GTF2F2: variants seen among roughly 807,000 people sequenced by gnomAD.
GTF2F2 encodes general transcription factor IIF subunit 2, also known as ATP-dependent helicase GTF2F2.
A neutral mutation model predicts 42.2 loss-of-function variants in GTF2F2; 23 were observed. The ratio of observed to expected loss-of-function variants is 0.55; its 90% CI spans 0.39 to 0.77. The LOEUF (loss-of-function observed/expected upper bound fraction) is 0.77. GTF2F2 is among the 30% of genes least tolerant of loss of function. The pLI, the probability that GTF2F2 is intolerant of heterozygous loss-of-function variation, is 0.00. For synonymous variants in GTF2F2, 105 were observed against 100.8 expected (o/e 1.04, Z -0.25); for missense variants, 261 against 287.2 (o/e 0.91, Z 0.66).
At chr13:45,180,618 A>G (rs1198568524) in intron 4 of GTF2F2, among the ~76,000 whole-genome samples, 3 of 152,174 alleles carry the variant, frequency 2.0e-5, no homozygotes, top group Non-Finnish European at 4.4e-5. Context: ...TTGTAGCCAA[A>G]TGAATTGTAC....
At chr13:45,159,617 C>T (rs1191718760) in intron 4 of GTF2F2, among the ~76,000 whole-genome samples, 1 of 152,140 alleles carries the variant, frequency 6.6e-6, no homozygotes, top group Non-Finnish European at 1.5e-5. Context: ...AGACTACAGA[C>T]GTGCGCCACC....
intron 1 of GTF2F2, among the ~76,000 whole-genome samples, chr13:45,134,652 G>A (rs1485445776): frequency 6.6e-6 from 1 of 152,168 alleles, no homozygotes; most frequent in South Asian, 2.1e-4. Context: ...GTAGAGTGTA[G>A]TGGAAGTTTT....
intron 3 of GTF2F2, among the ~76,000 whole-genome samples, chr13:45,150,940 A>G (rs1187302785): frequency 1.3e-5 from 2 of 151,994 alleles, no homozygotes; most frequent in Non-Finnish European, 2.9e-5. Flanking sequence ...GATTAGCCCC[A>G]TTATTCTTTT....
chr13:45,280,454 T>A (rs746049831), intron 7 of GTF2F2, among the ~76,000 whole-genome samples: 4 of 152,174 alleles, frequency 2.6e-5, no homozygotes, highest in Non-Finnish European at 5.9e-5. Context: ...CCAAGCTAAT[T>A]TATTTGATTA....
At chr13:45,136,626 G>T (rs1291160575) in intron 1 of GTF2F2, 107 bp from the exon 2 acceptor site, 4 of 630,842 alleles carry the variant, frequency 6.3e-6, no homozygotes, top group Non-Finnish European at 1.1e-5. Flanking sequence ...ACTTGATAAT[G>T]ATCCCTTATT....
chr13:45,281,115 A>G (rs1877242538), intron 7 of GTF2F2, among the ~76,000 whole-genome samples: 1 of 152,208 alleles, frequency 6.6e-6, no homozygotes, highest in African/African-American at 2.4e-5. Context: ...TGCATTTTAT[A>G]TTACCTAGAT....
At chr13:45,200,732 A>G (rs1254626641) in intron 4 of GTF2F2, among the ~76,000 whole-genome samples, 2 of 152,248 alleles carry the variant, frequency 1.3e-5, no homozygotes, top group African/African-American at 4.8e-5. Flanking sequence ...TCAACTCAGA[A>G]CCACAGGCAA....
intron 4 of GTF2F2, among the ~76,000 whole-genome samples, chr13:45,172,828 A>T (rs1871666352): frequency 6.6e-6 from 1 of 152,192 alleles, no homozygotes; most frequent in Non-Finnish European, 1.5e-5. Flanking sequence ...AGTACCACAC[A>T]GTCTTGATGA....
intron 6 of GTF2F2, among the ~76,000 whole-genome samples, chr13:45,255,627 T>C (rs764922651): frequency 2.0e-5 from 3 of 152,254 alleles, no homozygotes; most frequent in African/African-American, 2.4e-5. Context: ...TGTAGTCTTT[T>C]CTACTGTTGG....
At chr13:45,203,376 C>T (rs924648644) in intron 4 of GTF2F2, among the ~76,000 whole-genome samples, 5 of 152,010 alleles carry the variant, frequency 3.3e-5, no homozygotes, top group African/African-American at 1.2e-4. Flanking sequence ...TGAGCCACTG[C>T]ACCTGGCCCC....
intron 5 of GTF2F2, among the ~76,000 whole-genome samples, chr13:45,248,433 T>G (rs1283290432): frequency 6.6e-6 from 1 of 151,996 alleles, no homozygotes; most frequent in Non-Finnish European, 1.5e-5. Context: ...TTTTGTTTTT[T>G]GTTTTTTTGT....
chr13:45,281,889 A>C (rs1163549701), intron 7 of GTF2F2, among the ~76,000 whole-genome samples: 1 of 152,248 alleles, frequency 6.6e-6, no homozygotes, highest in Non-Finnish European at 1.5e-5. Context: ...CAACAACAAC[A>C]AAAGAGTCGC....
At chr13:45,158,923 G>A (rs990513051) in intron 4 of GTF2F2, among the ~76,000 whole-genome samples, 1 of 152,128 alleles carries the variant, frequency 6.6e-6, no homozygotes, top group African/African-American at 2.4e-5. Context: ...AGTTACTCAC[G>A]GGATGGCTAG....
chr13:45,149,687 AG>A, intron 2 of GTF2F2, 82 bp from the exon 3 acceptor site: 1 of 1,126,562 alleles, frequency 8.9e-7, no homozygotes, highest in Non-Finnish European at 1.2e-6. Flanking sequence ...GTAAATATGA[AG>A]TTTTTTTTTA....
At chr13:45,140,130 T>TC (rs1311231992) in intron 2 of GTF2F2, among the ~76,000 whole-genome samples, 2 of 151,700 alleles carry the variant, frequency 1.3e-5, no homozygotes, top group African/African-American at 2.4e-5. Flanking sequence ...TTTTTTTTTT[T>TC]CTCGTAGAGG....
chr13:45,224,548 A>G (rs767429518), intron 5 of GTF2F2, among the ~76,000 whole-genome samples: 1 of 152,228 alleles, frequency 6.6e-6, no homozygotes, highest in African/African-American at 2.4e-5. Context: ...AAATCACAAA[A>G]TAGAAAATAT....
At chr13:45,133,652 G>A (rs1481576010) in intron 1 of GTF2F2, among the ~76,000 whole-genome samples, 1 of 152,210 alleles carries the variant, frequency 6.6e-6, no homozygotes, top group African/African-American at 2.4e-5. Flanking sequence ...AGCCATGCTA[G>A]GCACTAGGCA....
intron 6 of GTF2F2, among the ~76,000 whole-genome samples, chr13:45,259,351 G>A (rs1323752954): frequency 1.3e-5 from 2 of 152,056 alleles, no homozygotes; most frequent in South Asian, 2.1e-4. Flanking sequence ...GCTTGAACCC[G>A]GGAGGCGGAG....
intron 6 of GTF2F2, chr13:45,264,045 C>T (rs913269031): frequency 1.3e-5 from 2 of 151,992 alleles, no homozygotes; most frequent in African/African-American, 4.8e-5. Context: ...AAACAATTAA[C>T]AAATATTTCG....
Sources: gnomAD v4.1 joint callset for allele counts (sites outside exome capture counted in the v4.1 genomes callset) on GRCh38, gnomAD v4.1.1 for gene constraint, MANE v1.5 for transcripts, NCBI Gene and HGNC (gene_info 2026-07-23, HGNC 2026-07-21) for gene names.